Variants in NUDCD1 observed in about 807,000 individuals in gnomAD.
NUDCD1 encodes the protein NudC domain containing 1, also known as nudC domain-containing protein 1.
Under a neutral mutation model 67.8 loss-of-function variants are expected in NUDCD1, and 60 were observed. The ratio of observed to expected loss-of-function variants is 0.88; its 90% CI spans 0.72 to 1.10. The LOEUF is 1.10. Among genes scored for constraint, NUDCD1 ranks in the 50% least tolerant of loss-of-function variants. The pLI is 0.00. For missense variants in NUDCD1, 643 were observed against 695.0 expected (o/e 0.93, Z 0.84); for synonymous variants, 244 against 230.8 (o/e 1.06, Z -0.52).
rs1329633265 is a variant in NUDCD1 at position 109,296,577 on chromosome 8, G to A, written c.274-8C>T. ...TTTTCCTAAGGCAGTGTCCTAAAAA[G>A]ACCAAACATTATACATTAATCTCTT... On this transcript the variant is annotated splice_region_variant and splice_polypyrimidine_tract_variant and intron_variant, in intron 2 of 9. Coordinates refer to ENST00000239690, the MANE Select transcript of NUDCD1 (RefSeq NM_032869.4). The A allele has an allele frequency of 1.3e-6, 2 of 1,573,934 alleles. No homozygotes were observed. The highest frequency in any genetic ancestry group is 2.3e-5 in the East Asian group (1 of 44,260).
chr8:109,287,514 T>C (rs768089681), intron 5 of NUDCD1, among the ~76,000 whole-genome samples: 4 of 152,132 alleles, frequency 2.6e-5, no homozygotes, highest in Non-Finnish European at 5.9e-5. Context: ...AAGTGGCCAT[T>C]ATCCTATGCA....
chr8:109,316,952 A>T (rs2130116686), intron 2 of NUDCD1, among the ~76,000 whole-genome samples: 1 of 152,318 alleles, frequency 6.6e-6, no homozygotes, highest in Non-Finnish European at 1.5e-5. Flanking sequence ...AAGAACCTAA[A>T]ACATGGTTCT....
At chr8:109,251,761 C>T (rs745505864) in intron 8 of NUDCD1, among the ~76,000 whole-genome samples, 3 of 151,890 alleles carry the variant, frequency 2.0e-5, no homozygotes, top group Non-Finnish European at 4.4e-5. Context: ...TAACTGGTTC[C>T]CACTTTTATC....
rs75811221 is a variant in NUDCD1 at position 109,328,884 on chromosome 8, A to T, written c.118+5009T>A. On this transcript the variant is annotated intron_variant, in intron 1 of 9. Coordinates refer to ENST00000239690, the MANE Select transcript of NUDCD1 (RefSeq NM_032869.4). ...AGATTACCACATATGCAAAGAGGAA[A>T]GAAAACAAAATCCATAATGAAGAGA... Among the ~76,000 whole-genome samples, 477 of 152,336 alleles carry T rather than the reference A, an allele frequency of 3.1e-3. 2 individuals carry two copies. Among genetic ancestry groups the T allele is most frequent in the Middle Eastern group, 6.8e-3 (2 of 294 alleles).
intron 2 of NUDCD1, among the ~76,000 whole-genome samples, chr8:109,309,291 CA>C (rs2130088682): frequency 6.6e-6 from 1 of 152,256 alleles, no homozygotes; most frequent in East Asian, 1.9e-4. Context: ...ACCACAGATG[CA>C]GGGATGGTTT....
At chr8:109,255,517 AAAAC>A (rs1397883167) in intron 8 of NUDCD1, among the ~76,000 whole-genome samples, 4 of 152,154 alleles carry the variant, frequency 2.6e-5, no homozygotes, top group African/African-American at 9.6e-5. Context: ...AATATTTTTT[AAAAC>A]TGATACTTTT....
At chr8:109,292,207 C>T (rs1269362064) in intron 4 of NUDCD1, among the ~76,000 whole-genome samples, 1 of 152,058 alleles carries the variant, frequency 6.6e-6, no homozygotes, top group Non-Finnish European at 1.5e-5. Flanking sequence ...TGCTTTTGTA[C>T]TGTGTTGGCA....
intron 7 of NUDCD1, among the ~76,000 whole-genome samples, chr8:109,274,667 G>A (rs1814236263): frequency 6.6e-6 from 1 of 152,052 alleles, no homozygotes; most frequent in Non-Finnish European, 1.5e-5. Flanking sequence ...ATCTTAGGAT[G>A]CAAGTAACAT....
chr8:109,317,916 ATATTACCATG>A (rs1815438376), intron 2 of NUDCD1, among the ~76,000 whole-genome samples: 1 of 152,196 alleles, frequency 6.6e-6, no homozygotes, highest in African/African-American at 2.4e-5. Flanking sequence ...TGTCAGCTAC[ATATTACCATG>A]TAATAGTTAC....
At position 109,298,818 on chromosome 8, in the gene NUDCD1, A is replaced by AT. The variant is rs757228437; in HGVS notation, c.274-2250dup. On this transcript the variant is annotated intron_variant, in intron 2 of 9. Coordinates refer to ENST00000239690, the MANE Select transcript of NUDCD1 (RefSeq NM_032869.4). ...GCAGCCTGTGGAGCCTCGCATCATG[A>AT]TTTTTTGCTCCAGAATGACTGCAGG... 9.9e-5 allele frequency: 15 copies of AT among 152,260 alleles called. No individual in the cohort carries two copies. The East Asian group carries it at 1.2e-3, about 12-fold the overall frequency. 9.4% of individuals were successfully genotyped at this position (152,260 alleles called of 1,614,324 possible). A position where few individuals can be genotyped will look rare whatever the true frequency, so the allele number is the denominator to read the frequency against.
chr8:109,248,221 C>T (rs2129864877), intron 8 of NUDCD1, among the ~76,000 whole-genome samples: 1 of 152,272 alleles, frequency 6.6e-6, no homozygotes, highest in East Asian at 1.9e-4. Flanking sequence ...ATGGATTCTC[C>T]CCTAGAGCCT....
Position 109,242,939 on chromosome 8 carries a change from T to G in NUDCD1, c.*70A>C. ...CACATTAAAACTTAAGAGGTTACAG[T>G]ATAACTGTCCAGACCTCCAGGTACC... On this transcript the variant is annotated 3_prime_UTR_variant, in exon 10 of 10. Transcript: ENST00000239690. The G allele has an allele frequency of 1.0e-6, 1 of 976,658 alleles. No individual in the cohort carries two copies. The highest frequency in any genetic ancestry group is 1.6e-5 in the South Asian group (1 of 63,776). The allele number at this position is 976,658 out of a possible 1,614,324, so 60.5% of individuals were successfully genotyped here. A position where few individuals can be genotyped will look rare whatever the true frequency, so the allele number is the denominator to read the frequency against.
chr8:109,270,928 T>A, intron 8 of NUDCD1, 77 bp downstream of exon 8: 2 of 955,018 alleles, frequency 2.1e-6, no homozygotes, highest in Non-Finnish European at 3.1e-6. Context: ...CAAGTATCTT[T>A]GAAAAACATA....
At chr8:109,283,544 A>G (rs1186530094) in intron 5 of NUDCD1, among the ~76,000 whole-genome samples, 1 of 152,154 alleles carries the variant, frequency 6.6e-6, no homozygotes. Flanking sequence ...TAAAGAAAAG[A>G]GATTACATAG....
chr8:109,308,368 G>A (rs958089909), intron 2 of NUDCD1, among the ~76,000 whole-genome samples: 7 of 152,110 alleles, frequency 4.6e-5, no homozygotes, highest in Admixed American at 2.6e-4. Flanking sequence ...CACCTACATC[G>A]GAAAGTCTGA....
chr8:109,288,506 CAT>C (rs1814625395), intron 5 of NUDCD1, among the ~76,000 whole-genome samples: 1 of 152,112 alleles, frequency 6.6e-6, no homozygotes, highest in African/African-American at 2.4e-5. Flanking sequence ...ACGAATCCCA[CAT>C]GAGAAAACCA....
rs1420060371 is a variant in NUDCD1, at chr8:109,275,208, T to A, written c.1173+144A>T. 8.9e-6 allele frequency: 6 copies of A among 677,022 alleles called. No homozygotes were observed. In the African/African-American group the frequency reaches 1.1e-4, roughly 12 times the overall value. 41.9% of individuals were successfully genotyped at this position (677,022 alleles called of 1,614,324 possible). A position where few individuals can be genotyped will look rare whatever the true frequency, so the allele number is the denominator to read the frequency against. ...AATAAATATTAGAACTTAGGCCATATTCAAACATCACTCAGATCAGTAGTA... is the reference window on the plus strand; with the variant it reads ...AATAAATATTAGAACTTAGGCCATAATCAAACATCACTCAGATCAGTAGTA... On this transcript the variant is annotated intron_variant, in intron 7 of 9. Transcript: ENST00000239690.
Position 109,334,062 on chromosome 8 carries a change from C to G in NUDCD1, c.-52G>C. ...TTAATAAAGCCCTTGTTGAAAGGTC[C>G]GCGCTTCACGCCTCGCACAGAGACT... On this transcript the variant is annotated 5_prime_UTR_variant, in exon 1 of 10. Transcript: ENST00000239690. 1 of 1,610,204 alleles carries G rather than the reference C, an allele frequency of 6.2e-7. No individual in the cohort carries two copies. The highest frequency in any genetic ancestry group is 8.5e-7 in the Non-Finnish European group (1 of 1,177,722).
At chr8:109,279,785 C>T (rs1211231568) in intron 6 of NUDCD1, among the ~76,000 whole-genome samples, 4 of 152,118 alleles carry the variant, frequency 2.6e-5, no homozygotes, top group Non-Finnish European at 5.9e-5. Context: ...GCACCCGCCA[C>T]CACGCCCAGC....
Sources: gnomAD v4.1 joint callset for allele counts (sites outside exome capture counted in the v4.1 genomes callset) on GRCh38, gnomAD v4.1.1 for gene constraint, MANE v1.5 for transcripts, NCBI Gene and HGNC (gene_info 2026-07-23, HGNC 2026-07-21) for gene names.